Variants in SIKE1 observed in about 807,000 individuals in gnomAD.
The protein encoded by SIKE1 is suppressor of IKK epsilon.
A neutral mutation model predicts 25.8 loss-of-function variants in SIKE1; 13 were observed. The ratio of observed to expected loss-of-function variants is 0.50; its 90% confidence interval spans 0.33 to 0.80. The LOEUF (loss-of-function observed/expected upper bound fraction) is 0.80, where lower values mean the gene tolerates loss of function less well. Ranked by LOEUF, SIKE1 falls within the 30% of genes least tolerant of loss-of-function variation. The pLI is 0.02. For synonymous variants in SIKE1, 86 were observed against 95.5 expected (o/e 0.90, Z 0.58); for missense variants, 222 against 252.4 (o/e 0.88, Z 0.82).
Position 114,776,599 on chromosome 1 carries a change from T to C in SIKE1, c.409-140A>G, listed in dbSNP as rs1386174831. 5 of 648,230 alleles carry C rather than the reference T, an allele frequency of 7.7e-6. No individual in the cohort carries two copies. The Admixed American group carries it at 1.5e-4, about 19-fold the overall frequency. 40.2% of individuals were successfully genotyped at this position (648,230 alleles called of 1,614,324 possible). ...GTTACAATGGAGTTTCCCTACAATT[T>C]TAGTCCTCAGACATGAAGCCATAGT... On this transcript the variant is annotated intron_variant, in intron 3 of 4. Coordinates refer to ENST00000060969, the MANE Select transcript of SIKE1 (RefSeq NM_025073.3).
rs1662122707 is a variant in SIKE1, at chr1:114,773,361, G to GA, written c.*909dup. On this transcript the variant is annotated 3_prime_UTR_variant, in exon 5 of 5. Coordinates refer to ENST00000060969, the MANE Select transcript of SIKE1 (RefSeq NM_025073.3). ...AAAGAAAGCCAACTATTAGTGCTAGGAATGAAAGACATCCAATCCAAGTAA... is the reference window on the plus strand; with the variant it reads ...AAAGAAAGCCAACTATTAGTGCTAGGAAATGAAAGACATCCAATCCAAGTAA... 1 of 151,982 alleles carries GA rather than the reference G, an allele frequency of 6.6e-6. No homozygotes were observed. The highest frequency in any genetic ancestry group is 2.4e-5 in the African/African-American group (1 of 41,408). 9.4% of individuals were successfully genotyped at this position (151,982 alleles called of 1,614,324 possible).
Position 114,780,272 on chromosome 1 carries a change from T to G in SIKE1, c.160-57A>C, listed in dbSNP as rs1287335238. ...TAAAGAGAACAGCGGCAGATGCAACTGAAGAGGCAGAAGTTAGGGCTCCAG... is the reference window on the plus strand; with the variant it reads ...TAAAGAGAACAGCGGCAGATGCAACGGAAGAGGCAGAAGTTAGGGCTCCAG... On this transcript the variant is annotated intron_variant, in intron 1 of 4. Coordinates refer to ENST00000060969, the MANE Select transcript of SIKE1 (RefSeq NM_025073.3). The G allele has an allele frequency of 3.2e-6, 5 of 1,557,040 alleles. No homozygotes were observed. The African/African-American group carries it at 6.8e-5, about 21-fold the overall frequency.
chr1:114,778,444 G>A (rs996523035), intron 3 of SIKE1, among the ~76,000 whole-genome samples: 2 of 152,262 alleles, frequency 1.3e-5, no homozygotes, highest in East Asian at 3.9e-4. Flanking sequence ...GAATTCATGC[G>A]CCTTACAAGC....
intron 3 of SIKE1, among the ~76,000 whole-genome samples, chr1:114,777,611 T>C (rs1444853642): frequency 2.0e-5 from 3 of 152,180 alleles, no homozygotes; most frequent in Non-Finnish European, 4.4e-5. Context: ...AAATGAGTAA[T>C]CTTTAGTCTA....
intron 3 of SIKE1, among the ~76,000 whole-genome samples, chr1:114,778,691 T>A (rs920893760): frequency 1.3e-5 from 2 of 152,048 alleles, no homozygotes; most frequent in African/African-American, 4.8e-5. Context: ...ACAACAAATG[T>A]GATAAACATG....
At position 114,774,073 on chromosome 1, in the gene SIKE1, T is replaced by G. The variant is rs1049102334; in HGVS notation, c.*198A>C. ...TCTCTTTGAGAAAGGAATGGTGAAA[T>G]TCAGCATGTAGTATTCACATTAACA... On this transcript the variant is annotated 3_prime_UTR_variant, in exon 5 of 5. Transcript: ENST00000060969. The G allele has an allele frequency of 5.2e-6, 2 of 382,266 alleles. No homozygotes were observed. The highest frequency in any genetic ancestry group is 4.1e-5 in the African/African-American group (2 of 48,316). The allele number at this position is 382,266 out of a possible 1,614,324, so 23.7% of individuals were successfully genotyped here.
chr1:114,775,598 C>T (rs1662215397), intron 4 of SIKE1, among the ~76,000 whole-genome samples: 1 of 151,462 alleles, frequency 6.6e-6, no homozygotes, highest in African/African-American at 2.4e-5. Context: ...CCTTGACTTC[C>T]CAGGTTCAGG....
intron 4 of SIKE1, 21 bp downstream of exon 4, chr1:114,776,325 C>T: frequency 7.0e-7 from 1 of 1,431,002 alleles, no homozygotes; most frequent in Non-Finnish European, 9.8e-7. Context: ...TACTGTGAAC[C>T]TAAATTAGCT....
rs1434263774 is a variant in SIKE1, at chr1:114,770,353, T to C, written c.*3918A>G. Reference sequence around the variant, plus strand: ...TGGAGGTTGCAGTGAGTTAAGACAGTGCTACTGCACTCCAGCCTGGTTGAC... The same window carrying C: ...TGGAGGTTGCAGTGAGTTAAGACAGCGCTACTGCACTCCAGCCTGGTTGAC... On this transcript the variant is annotated 3_prime_UTR_variant, in exon 5 of 5. Transcript: ENST00000060969. 2 of 152,234 alleles carry C rather than the reference T, an allele frequency of 1.3e-5. No individual in the cohort carries two copies. Among genetic ancestry groups the C allele is most frequent in the Admixed American group, 1.3e-4 (2 of 15,274 alleles). 9.4% of individuals were successfully genotyped at this position (152,234 alleles called of 1,614,324 possible).
intron 3 of SIKE1, 170 bp downstream of exon 3, chr1:114,778,972 G>C: frequency 1.4e-6 from 1 of 710,330 alleles, no homozygotes; most frequent in South Asian, 1.8e-5. Context: ...TGAGACGATG[G>C]CTTGAGCCCA....
intron 3 of SIKE1, among the ~76,000 whole-genome samples, chr1:114,777,742 T>C (rs1662286915): frequency 6.6e-6 from 1 of 152,226 alleles, no homozygotes; most frequent in African/African-American, 2.4e-5. Context: ...GCAAGCAATG[T>C]TATTTTCATT....
chr1:114,774,110 T>C lies in SIKE1; in HGVS notation c.*161A>G. The C allele has an allele frequency of 2.0e-6, 1 of 499,994 alleles. No homozygotes were observed. Among genetic ancestry groups the C allele is most frequent in the South Asian group, 3.7e-5 (1 of 26,780 alleles). The allele number at this position is 499,994 out of a possible 1,614,324, so 31.0% of individuals were successfully genotyped here. ...TATTCACATTAACACATCTGAGAAC[T>C]GTGGACAGCCAATATTGACTGGAAT... On this transcript the variant is annotated 3_prime_UTR_variant, in exon 5 of 5. Transcript: ENST00000060969.
intron 2 of SIKE1, 86 bp downstream of exon 2, chr1:114,780,024 G>C: frequency 1.1e-6 from 1 of 933,762 alleles, no homozygotes; most frequent in South Asian, 1.5e-5. Flanking sequence ...GTACTGACCT[G>C]GAAATATATG....
At chr1:114,779,943 T>C (rs568283429) in intron 2 of SIKE1, among the ~76,000 whole-genome samples, 167 bp downstream of exon 2, 2 of 152,290 alleles carry the variant, frequency 1.3e-5, no homozygotes, top group Non-Finnish European at 2.9e-5. Flanking sequence ...ATTAGTCAGA[T>C]GACCTTGAAA....
intron 2 of SIKE1, 42 bp downstream of exon 2, chr1:114,780,068 A>G (rs1662357772): frequency 3.5e-6 from 5 of 1,434,166 alleles, no homozygotes; most frequent in Non-Finnish European, 4.8e-6. Flanking sequence ...CAATTTTGCA[A>G]TAACTTTAAA....
At chr1:114,777,793 G>A (rs908508136) in intron 3 of SIKE1, among the ~76,000 whole-genome samples, 1 of 151,726 alleles carries the variant, frequency 6.6e-6, no homozygotes, top group Non-Finnish European at 1.5e-5. Flanking sequence ...TCCCCCAGTA[G>A]GTCCACACTC....
At position 114,780,547 on chromosome 1, in the gene SIKE1, C is replaced by G; in HGVS notation, c.61G>C (p.Glu21Gln). ...DAKTLLERLR[E>Q]HDAAAESLVD... Reference sequence around the variant, plus strand: ...AGCGACTCGGCGGCCGCATCGTGCTCCCGTAGCCTCTCCAGCAGCGTCTTG... The same window carrying G: ...AGCGACTCGGCGGCCGCATCGTGCTGCCGTAGCCTCTCCAGCAGCGTCTTG... The change falls in exon 1 of 5, where the codon GAG (glutamate) becomes CAG (glutamine). Residue 21 changes from glutamate to glutamine, a missense_variant. Physicochemically the swap from Glu to Gln is conservative, Grantham distance 29. Coordinates refer to ENST00000060969, the MANE Select transcript of SIKE1 (RefSeq NM_025073.3). 2 of 1,613,804 alleles carry G rather than the reference C, an allele frequency of 1.2e-6. No homozygotes were observed. Among genetic ancestry groups the G allele is most frequent in the Non-Finnish European group, 1.7e-6 (2 of 1,180,010 alleles).
intron 4 of SIKE1, among the ~76,000 whole-genome samples, chr1:114,776,131 T>A (rs2101129673): frequency 6.6e-6 from 1 of 152,330 alleles, no homozygotes; most frequent in Non-Finnish European, 1.5e-5. Context: ...ATACCTCAAG[T>A]TCTTGCCAAT....
rs968931829 is a variant in SIKE1, at chr1:114,776,399, G to T, written c.469C>A (p.Gln157Lys). 2.5e-6 allele frequency: 4 copies of T among 1,613,562 alleles called. No individual in the cohort carries two copies. In the African/African-American group the frequency reaches 5.3e-5, roughly 22 times the overall value. Reference protein sequence around the residue: ...EMGEVMRKAVQVDDDQFCKIQ... With the variant: ...EMGEVMRKAVKVDDDQFCKIQ... Reference sequence around the variant, plus strand: ...TTACAAAACTGGTCATCATCCACCTGAACTGCTTTCCTCATCACTTCTCCC... The same window carrying T: ...TTACAAAACTGGTCATCATCCACCTTAACTGCTTTCCTCATCACTTCTCCC... Residue 157 changes from glutamine to lysine, a missense_variant, in exon 4 of 5, where the codon CAG becomes AAG. Gln to Lys is a moderately conservative substitution (Grantham distance 53, BLOSUM62 1). Coordinates refer to ENST00000060969, the MANE Select transcript of SIKE1 (RefSeq NM_025073.3).
Sources: allele counts gnomAD v4.1 joint callset (sites outside exome capture counted in the v4.1 genomes callset), GRCh38; gene constraint gnomAD v4.1.1; transcripts MANE v1.5; gene names NCBI Gene and HGNC (gene_info 2026-07-23, HGNC 2026-07-21).